The following BBS9 variants were observed in gnomAD, a reference collection of about 807,000 sequenced individuals.
BBS9 encodes the protein protein PTHB1.
A neutral mutation model predicts 117.7 loss-of-function variants in BBS9; 89 were observed. That is an observed-to-expected ratio of 0.76 (90% CI 0.64 to 0.90). The LOEUF is 0.90. BBS9 is among the 40% of genes least tolerant of loss of function. The pLI, the probability that BBS9 is intolerant of heterozygous loss-of-function variation, is 0.00. For synonymous variants in BBS9, 379 were observed against 370.9 expected (o/e 1.02, Z -0.25); for missense variants, 982 against 1,042.2 (o/e 0.94, Z 0.80).
chr7:33,494,134 G>A (rs960323946), intron 19 of BBS9, among the ~76,000 whole-genome samples: 15 of 152,050 alleles, frequency 9.9e-5, no homozygotes, highest in African/African-American at 3.1e-4. Context: ...CTCAACCCAG[G>A]GTGATTTTGC....
chr7:33,583,980 T>C (rs1860456609), intron 21 of BBS9, among the ~76,000 whole-genome samples: 1 of 152,070 alleles, frequency 6.6e-6, no homozygotes, highest in South Asian at 2.1e-4. Flanking sequence ...GTCATTATTA[T>C]TATTATTTCT....
chr7:33,216,437 A>G (rs1314778736), intron 5 of BBS9, among the ~76,000 whole-genome samples: 1 of 152,228 alleles, frequency 6.6e-6, no homozygotes, highest in Admixed American at 6.5e-5. Context: ...AAAGAAAAGT[A>G]ATTCTTTTCC....
intron 19 of BBS9, among the ~76,000 whole-genome samples, chr7:33,426,314 C>T (rs1217113694): frequency 6.6e-6 from 1 of 152,180 alleles, no homozygotes; most frequent in Non-Finnish European, 1.5e-5. Flanking sequence ...CCTACATTAT[C>T]TCAATTATTT....
At chr7:33,543,150 A>G (rs1290100286) in intron 21 of BBS9, among the ~76,000 whole-genome samples, 4 of 152,106 alleles carry the variant, frequency 2.6e-5, no homozygotes. Flanking sequence ...GATTATGGCC[A>G]TTCTTGCAGG....
chr7:33,508,209 T>G (rs886239979), intron 20 of BBS9, among the ~76,000 whole-genome samples: 2 of 152,212 alleles, frequency 1.3e-5, no homozygotes, highest in Non-Finnish European at 1.5e-5. Flanking sequence ...AGCTTACTGA[T>G]GAGAAAGGAA....
At chr7:33,389,599 G>C (rs1294950994) in intron 19 of BBS9, among the ~76,000 whole-genome samples, 2 of 150,930 alleles carry the variant, frequency 1.3e-5, no homozygotes, top group East Asian at 3.9e-4. Context: ...TGAGGCAGGG[G>C]AATCGGTTGA....
chr7:33,358,011 T>C lies in BBS9; in HGVS notation c.1693+16T>C. ...CTCTTCCCAGGTAAGACTGTTGAAA[T>C]AACATGCCTGCAGCATCAAAAATGC... On this transcript the variant is annotated intron_variant, in intron 16 of 22. Transcript: ENST00000242067. 6.2e-7 allele frequency: 1 copy of C among 1,609,694 alleles called. No homozygotes were observed. Among genetic ancestry groups the C allele is most frequent in the Non-Finnish European group, 8.5e-7 (1 of 1,176,924 alleles).
chr7:33,433,272 T>C (rs1202247664), intron 19 of BBS9, among the ~76,000 whole-genome samples: 3 of 152,228 alleles, frequency 2.0e-5, no homozygotes, highest in African/African-American at 7.2e-5. Context: ...AAAACACATG[T>C]ATATTAATCA....
intron 19 of BBS9, among the ~76,000 whole-genome samples, chr7:33,482,315 A>AAC (rs1842610268): frequency 6.6e-6 from 1 of 152,062 alleles, no homozygotes; most frequent in South Asian, 2.1e-4. Context: ...TGGATGGGGG[A>AAC]ACACATCCAT....
At position 33,273,931 on chromosome 7, in the gene BBS9, G is replaced by A. The variant is rs776135400; in HGVS notation, c.991G>A (p.Val331Ile). 1.9e-6 allele frequency: 3 copies of A among 1,613,658 alleles called. No homozygotes were observed. Among genetic ancestry groups the A allele is most frequent in the Non-Finnish European group, 1.7e-6 (2 of 1,179,746 alleles). Reference protein sequence around the residue: ...KWATQLPHIPVAVRVGCLHDL... With the variant: ...KWATQLPHIPIAVRVGCLHDL... ...GGCCACCCAACTTCCCCACATTCCT[G>A]TAGCAGTAAGAGTGGGCTGTTTGCA... The change falls in exon 9 of 23, where the codon GTA becomes ATA. Residue 331 changes from valine (V) to isoleucine (I), a missense_variant. Physicochemically the swap from Val to Ile is conservative, Grantham distance 29. Coordinates refer to ENST00000242067, the MANE Select transcript of BBS9 (RefSeq NM_198428.3).
At chr7:33,573,043 C>T (rs1479505915) in intron 21 of BBS9, among the ~76,000 whole-genome samples, 2 of 151,972 alleles carry the variant, frequency 1.3e-5, no homozygotes, top group Non-Finnish European at 2.9e-5. Flanking sequence ...CCCTTTCCCT[C>T]TTTCTTTCTT....
At chr7:33,571,265 G>A (rs1196323080) in intron 21 of BBS9, among the ~76,000 whole-genome samples, 3 of 151,964 alleles carry the variant, frequency 2.0e-5, no homozygotes, top group Non-Finnish European at 4.4e-5. Flanking sequence ...TAAAGCTATT[G>A]GGTTATCGAT....
intron 19 of BBS9, among the ~76,000 whole-genome samples, chr7:33,470,484 C>A (rs1840850404): frequency 6.6e-6 from 1 of 152,096 alleles, no homozygotes; most frequent in African/African-American, 2.4e-5. Context: ...TTTACCACCC[C>A]TATTTATTGT....
chr7:33,626,392 A>G (rs550235954), intron 21 of BBS9, among the ~76,000 whole-genome samples: 14 of 152,340 alleles, frequency 9.2e-5, no homozygotes, highest in South Asian at 6.2e-4. Context: ...GATTGGTACC[A>G]GGAATGGGGC....
At chr7:33,250,722 CA>C (rs1346579076) in intron 5 of BBS9, among the ~76,000 whole-genome samples, 1 of 152,078 alleles carries the variant, frequency 6.6e-6, no homozygotes, top group Non-Finnish European at 1.5e-5. Context: ...CAGAGTGAAA[CA>C]CATGGAATAA....
At chr7:33,571,610 C>A (rs77419878) in intron 21 of BBS9, among the ~76,000 whole-genome samples, 3,562 of 151,898 alleles carry the variant, frequency 0.023, 49 homozygotes, top group East Asian at 0.046. Flanking sequence ...TTCTCAATCC[C>A]AGGCTACAGA....
intron 5 of BBS9, among the ~76,000 whole-genome samples, chr7:33,255,334 G>GT (rs1179097844): frequency 3.6e-5 from 5 of 137,244 alleles, no homozygotes; most frequent in Non-Finnish European, 1.5e-5. Context: ...GTTGTATAGT[G>GT]TAAGATAAGG....
intron 21 of BBS9, among the ~76,000 whole-genome samples, chr7:33,617,776 A>G (rs1477803161): frequency 4.6e-5 from 7 of 152,214 alleles, no homozygotes; most frequent in Non-Finnish European, 1.0e-4. Flanking sequence ...GAGTGCTCCA[A>G]TTGGAGACTC....
chr7:33,539,788 A>G (rs1851990317), intron 21 of BBS9, among the ~76,000 whole-genome samples: 1 of 152,348 alleles, frequency 6.6e-6, no homozygotes, highest in Non-Finnish European at 1.5e-5. Context: ...TGACAGGCAC[A>G]GTTCTCCAGT....
Sources: allele counts gnomAD v4.1 joint callset (sites outside exome capture counted in the v4.1 genomes callset), GRCh38; gene constraint gnomAD v4.1.1; transcripts MANE v1.5; gene names NCBI Gene and HGNC (gene_info 2026-07-23, HGNC 2026-07-21).